CAMK2G: variants seen among roughly 807,000 people sequenced by gnomAD.
The protein encoded by CAMK2G is calcium/calmodulin dependent protein kinase II gamma.
In CAMK2G, 23 loss-of-function variants were observed where a neutral mutation model predicts 88.7. That is an observed-to-expected ratio of 0.26 (90% CI 0.19 to 0.37). The LOEUF is 0.37. CAMK2G is among the 10% of genes least tolerant of loss of function. The pLI is 1.00. For synonymous variants in CAMK2G, 263 were observed against 294.8 expected (o/e 0.89, Z 1.11); for missense variants, 476 against 780.8 (o/e 0.61, Z 4.65).
At chr10:73,858,292 T>C (rs926285966) in intron 3 of CAMK2G, among the ~76,000 whole-genome samples, 3 of 152,232 alleles carry the variant, frequency 2.0e-5, no homozygotes, top group African/African-American at 7.2e-5. Context: ...GCTGGCCCGT[T>C]TGTTTCCCTT....
intron 14 of CAMK2G, among the ~76,000 whole-genome samples, chr10:73,829,700 G>T (rs1160436301): frequency 6.5e-5 from 9 of 138,442 alleles, no homozygotes; most frequent in Non-Finnish European, 1.1e-4. Context: ...TAAGTAGTGG[G>T]GTGTGTGTGT....
At position 73,873,253 on chromosome 10, in the gene CAMK2G, C is replaced by A. The variant is rs902435691; in HGVS notation, c.66-170G>T. On this transcript the variant is annotated intron_variant, in intron 1 of 22. Transcript: ENST00000423381. ...CACCATCCAACATGAGGCAAAAGGA[C>A]GCGGCCACCGCAGGACACTGAACAG... 10 of 1,074,532 alleles carry A rather than the reference C, an allele frequency of 9.3e-6. No individual in the cohort carries two copies. The East Asian group carries it at 1.0e-4, about 11-fold the overall frequency. The allele number at this position is 1,074,532 out of a possible 1,614,324, so 66.6% of individuals were successfully genotyped here.
At chr10:73,833,946 T>G (rs1458704851) in intron 14 of CAMK2G, among the ~76,000 whole-genome samples, 1 of 105,800 alleles carries the variant, frequency 9.5e-6, no homozygotes, top group Non-Finnish European at 1.7e-5. Flanking sequence ...TGAGACGGAG[T>G]CTTGCTCTGT....
chr10:73,843,609 G>A (rs1354583309), intron 10 of CAMK2G, among the ~76,000 whole-genome samples: 1 of 152,090 alleles, frequency 6.6e-6, no homozygotes, highest in Non-Finnish European at 1.5e-5. Context: ...CCTGTTTCAG[G>A]TTGCTTGCCC....
At chr10:73,867,378 G>C (rs993098921) in intron 2 of CAMK2G, among the ~76,000 whole-genome samples, 20 of 152,254 alleles carry the variant, frequency 1.3e-4, no homozygotes, top group African/African-American at 4.8e-4. Flanking sequence ...GGCCAGAAAA[G>C]GGTCAGCCGT....
intron 15 of CAMK2G, among the ~76,000 whole-genome samples, chr10:73,826,098 C>T (rs544911143): frequency 6.6e-5 from 10 of 152,314 alleles, no homozygotes; most frequent in African/African-American, 2.2e-4. Flanking sequence ...ACATTCCCAA[C>T]AGCACCATGA....
intron 18 of CAMK2G, 28 bp from the exon 19 acceptor site, chr10:73,819,673 G>T: frequency 2.1e-6 from 3 of 1,420,356 alleles, no homozygotes; most frequent in Non-Finnish European, 2.9e-6. Flanking sequence ...GGCAGGGCAG[G>T]GCAAGGCAGA....
At chr10:73,858,845 T>G (rs1300677613) in intron 3 of CAMK2G, among the ~76,000 whole-genome samples, 1 of 152,254 alleles carries the variant, frequency 6.6e-6, no homozygotes, top group Non-Finnish European at 1.5e-5. Context: ...AATTCTATTT[T>G]TGTCCTTCCT....
intron 15 of CAMK2G, among the ~76,000 whole-genome samples, chr10:73,825,946 T>C (rs1237463688): frequency 6.6e-6 from 1 of 152,228 alleles, no homozygotes; most frequent in Non-Finnish European, 1.5e-5. Flanking sequence ...AGGACTGTGC[T>C]GTTCACCTTT....
chr10:73,818,543 T>C (rs975756424), intron 19 of CAMK2G: 2 of 383,176 alleles, frequency 5.2e-6, no homozygotes, highest in Non-Finnish European at 1.0e-5. Context: ...CTGCAAGCGT[T>C]AGAACAGCAC....
chr10:73,814,575 T>C (rs1231543259), intron 22 of CAMK2G, 70 bp from the exon 23 acceptor site: 13 of 186,252 alleles, frequency 7.0e-5, no homozygotes, highest in Non-Finnish European at 1.2e-4. Context: ...CCAGCGACTT[T>C]AGCACGCTAA....
intron 2 of CAMK2G, among the ~76,000 whole-genome samples, chr10:73,862,377 G>A (rs1370091088): frequency 1.4e-5 from 2 of 145,932 alleles, no homozygotes. Context: ...TCAGTTGCAA[G>A]CTCTTCGAAG....
rs747005836 is a variant in CAMK2G, at chr10:73,842,152, C to T, written c.946+17G>A. 1.9e-6 allele frequency: 3 copies of T among 1,605,736 alleles called. No homozygotes were observed. The African/African-American group carries it at 4.0e-5, about 21-fold the overall frequency. ...CTCACCTCGGCATAATCAAAGTACACAGCTGGGAAAACATACCTGAGAAGT... is the reference window on the plus strand; with the variant it reads ...CTCACCTCGGCATAATCAAAGTACATAGCTGGGAAAACATACCTGAGAAGT... On this transcript the variant is annotated intron_variant, in intron 12 of 22. Coordinates refer to ENST00000423381, the MANE Select transcript of CAMK2G (RefSeq NM_001367534.1). This position sits in a 1 kb window ranked among gnomAD's most constrained non-coding sequence, Gnocchi z 4.6.
At chr10:73,828,192 C>T in intron 14 of CAMK2G, 71 bp from the exon 15 acceptor site, 1 of 1,250,872 alleles carries the variant, frequency 8.0e-7, no homozygotes, top group Non-Finnish European at 1.2e-6. Flanking sequence ...AGAGACGCTG[C>T]AGGTTAGCGC....
At chr10:73,823,643 G>A (rs1472062723) in intron 17 of CAMK2G, among the ~76,000 whole-genome samples, 2 of 152,220 alleles carry the variant, frequency 1.3e-5, no homozygotes, top group African/African-American at 2.4e-5. Flanking sequence ...CAGATGTTCA[G>A]GAATGCTGGT....
chr10:73,845,177 C>A (rs778709373), intron 10 of CAMK2G, among the ~76,000 whole-genome samples: 3 of 152,210 alleles, frequency 2.0e-5, no homozygotes, highest in Admixed American at 6.5e-5. Flanking sequence ...GAAATGACTA[C>A]AATGTGGATT....
intron 15 of CAMK2G, among the ~76,000 whole-genome samples, chr10:73,827,255 C>T (rs1263850488): frequency 3.9e-5 from 6 of 152,198 alleles, no homozygotes; most frequent in Admixed American, 1.3e-4. Context: ...GGCGCGATCT[C>T]GGCTCACTGC....
Position 73,848,604 on chromosome 10 carries a change from C to G in CAMK2G, c.523G>C (p.Ala175Pro), listed in dbSNP as rs1466451630. ...GGGGACAAGTAACCTGGGGTGCCAGCAAAACCTGTAGCAAAAGAGAGGGCA... is the reference window on the plus strand; with the variant it reads ...GGGGACAAGTAACCTGGGGTGCCAGGAAAACCTGTAGCAAAAGAGAGGGCA... ...QGEQQAWFGF[A>P]GTPGYLSPEV... The change falls in exon 8 of 23, where the codon GCT (alanine) becomes CCT (proline). Residue 175 changes from alanine (A) to proline (P), a missense_variant. This residue lies in a region of CAMK2G where 164 missense variants were observed against 385.6 expected (regional missense o/e 0.43). Transcript: ENST00000423381. The surrounding 1 kb of genome is among the most constrained non-coding windows in gnomAD (Gnocchi z 4.5). 1 of 1,606,208 alleles carries G rather than the reference C, an allele frequency of 6.2e-7. No homozygotes were observed.
chr10:73,832,801 A>T (rs568246440), intron 14 of CAMK2G, among the ~76,000 whole-genome samples: 4 of 152,252 alleles, frequency 2.6e-5, no homozygotes. Context: ...AACATTTTTA[A>T]GAGTTGGGGG....
Sources: allele counts gnomAD v4.1 joint callset (sites outside exome capture counted in the v4.1 genomes callset), GRCh38; gene constraint gnomAD v4.1.1; regional missense constraint gnomAD v4.1.1; non-coding constraint Gnocchi (gnomAD v3.1); transcripts MANE v1.5; gene names NCBI Gene and HGNC (gene_info 2026-07-23, HGNC 2026-07-21).